CEP112: variants seen among roughly 807,000 people sequenced by gnomAD.
CEP112 encodes the protein centrosomal protein of 112 kDa.
In CEP112, 127 loss-of-function variants were observed where a neutral mutation model predicts 153.0. The observed-to-expected ratio is 0.83, with a 90% CI of 0.72 to 0.96. The LOEUF (loss-of-function observed/expected upper bound fraction) is 0.96, where lower values mean the gene tolerates loss of function less well. Ranked by LOEUF, CEP112 falls within the 40% of genes least tolerant of loss-of-function variation. The probability of loss-of-function intolerance (pLI) is 0.00; values close to 1 mark genes in which losing one functional copy is unlikely to be tolerated. For missense variants in CEP112, 1,089 were observed against 1,101.2 expected (o/e 0.99, Z 0.16); for synonymous variants, 358 against 374.4 (o/e 0.96, Z 0.51).
intron 21 of CEP112, among the ~76,000 whole-genome samples, chr17:65,824,228 A>T (rs958149023): frequency 3.9e-5 from 6 of 152,242 alleles, no homozygotes; most frequent in Non-Finnish European, 7.3e-5. Context: ...ACTAAGCAAT[A>T]AAAAGGAACA....
intron 18 of CEP112, among the ~76,000 whole-genome samples, chr17:65,956,718 C>T (rs908770494): frequency 6.6e-6 from 1 of 152,008 alleles, no homozygotes; most frequent in Admixed American, 6.6e-5. Flanking sequence ...TCTCAGTAAT[C>T]ACCACTAAAG....
chr17:65,926,316 G>A (rs1241318941), intron 19 of CEP112, among the ~76,000 whole-genome samples: 1 of 152,148 alleles, frequency 6.6e-6, no homozygotes, highest in Non-Finnish European at 1.5e-5. Context: ...TTAGAACTCA[G>A]CACAAATGTC....
chr17:65,955,707 T>C (rs2061980196), intron 18 of CEP112, among the ~76,000 whole-genome samples: 1 of 152,196 alleles, frequency 6.6e-6, no homozygotes, highest in African/African-American at 2.4e-5. Flanking sequence ...GCTATTCTTA[T>C]ATCAGACAAA....
intron 21 of CEP112, among the ~76,000 whole-genome samples, chr17:65,782,944 C>T (rs934931884): frequency 6.6e-6 from 1 of 151,364 alleles, no homozygotes; most frequent in Non-Finnish European, 1.5e-5. Context: ...CAAACCTGTA[C>T]CTGTACCCAC....
rs201042942 is a variant in CEP112 at position 65,852,037 on chromosome 17, T to C, written c.2164-3A>G. The C allele has an allele frequency of 1.9e-6, 3 of 1,594,826 alleles. No homozygotes were observed. The highest frequency in any genetic ancestry group is 2.6e-6 in the Non-Finnish European group (3 of 1,174,090). On this transcript the variant is annotated splice_region_variant and splice_polypyrimidine_tract_variant and intron_variant, in intron 20 of 26. Transcript: ENST00000535342. ...TGGGCCTCCATGTCGGCAATAACCT[T>C]GTTTTTAAAAATGGAAAAATGGGCA...
chr17:66,104,709 T>C (rs1274975039), intron 6 of CEP112, among the ~76,000 whole-genome samples: 4 of 152,006 alleles, frequency 2.6e-5, no homozygotes, highest in Non-Finnish European at 5.9e-5. Flanking sequence ...TGGGTCCTGG[T>C]AGGCATTTCT....
rs180779372 is a variant in CEP112, at chr17:65,865,110, C to T, written c.2164-13076G>A. Among the ~76,000 whole-genome samples, 44 of 152,052 alleles carry T rather than the reference C, an allele frequency of 2.9e-4. No homozygotes were observed. The East Asian group carries it at 7.4e-3, about 25-fold the overall frequency. On this transcript the variant is annotated intron_variant, in intron 20 of 26. Transcript: ENST00000535342. Reference sequence around the variant, plus strand: ...AGGCTGGAGTGCAGTGTCATGATCTCGGCTCACTGCAGCCTCACCTTCCCA... The same window carrying T: ...AGGCTGGAGTGCAGTGTCATGATCTTGGCTCACTGCAGCCTCACCTTCCCA...
intron 8 of CEP112, among the ~76,000 whole-genome samples, chr17:66,092,317 G>A (rs1177708007): frequency 6.7e-6 from 1 of 148,800 alleles, no homozygotes; most frequent in East Asian, 2.0e-4. Flanking sequence ...TGGGATTACA[G>A]GTGTGAGCCA....
At chr17:65,716,464 C>T (rs947585299) in intron 23 of CEP112, among the ~76,000 whole-genome samples, 1 of 151,892 alleles carries the variant, frequency 6.6e-6, no homozygotes, top group Non-Finnish European at 1.5e-5. Flanking sequence ...CCCAGCCAGC[C>T]CTATGCTTTT....
At chr17:66,069,391 T>C (rs960704781) in intron 9 of CEP112, among the ~76,000 whole-genome samples, 1 of 152,030 alleles carries the variant, frequency 6.6e-6, no homozygotes, top group Non-Finnish European at 1.5e-5. Context: ...AAAATAAGTT[T>C]TATTTGAAAA....
chr17:66,099,690 C>T (rs1052773100), intron 6 of CEP112, among the ~76,000 whole-genome samples: 1 of 152,008 alleles, frequency 6.6e-6, no homozygotes, highest in Non-Finnish European at 1.5e-5. Context: ...TCAGAAAAAT[C>T]TAACAGATAA....
intron 19 of CEP112, among the ~76,000 whole-genome samples, chr17:65,917,115 A>C (rs2060522987): frequency 6.6e-6 from 1 of 152,128 alleles, no homozygotes; most frequent in Admixed American, 6.5e-5. Context: ...CTGCAGGACC[A>C]ATCTGTGACT....
At chr17:65,859,439 C>CAAA (rs57675567) in intron 20 of CEP112, among the ~76,000 whole-genome samples, 1 of 93,668 alleles carries the variant, frequency 1.1e-5, no homozygotes, top group Non-Finnish European at 2.2e-5. Flanking sequence ...GACTCCATCT[C>CAAA]AAAAAAAAAA....
chr17:65,976,887 C>A (rs1355232297), intron 17 of CEP112, among the ~76,000 whole-genome samples: 1 of 151,628 alleles, frequency 6.6e-6, no homozygotes, highest in Non-Finnish European at 1.5e-5. Context: ...TACAGGCATG[C>A]ACCCCCATGC....
chr17:65,643,294 C>T (rs1330504893), intron 24 of CEP112, among the ~76,000 whole-genome samples: 3 of 124,036 alleles, frequency 2.4e-5, no homozygotes, highest in Admixed American at 9.2e-5. Flanking sequence ...ATGGTGAATC[C>T]CTGGTATTTT....
rs2044738132 is a variant in CEP112 at position 65,635,737 on chromosome 17, GCA to G, written c.*232_*233del. 3.5e-6 allele frequency: 2 copies of G among 566,292 alleles called. No homozygotes were observed. Among genetic ancestry groups the G allele is most frequent in the African/African-American group, 3.8e-5 (2 of 53,036 alleles). The allele number at this position is 566,292 out of a possible 1,614,324, so 35.1% of individuals were successfully genotyped here. A position where few individuals can be genotyped will look rare whatever the true frequency, so the allele number is the denominator to read the frequency against. On this transcript the variant is annotated 3_prime_UTR_variant, in exon 27 of 27. Coordinates refer to ENST00000535342, the MANE Select transcript of CEP112 (RefSeq NM_001199165.4). ...AGCAGTTCTCAGCACATACTCAAAT[GCA>G]CACAAACATGAAAATCGGAAATAAA...
At chr17:66,162,698 AC>A (rs1408189504) in intron 4 of CEP112, among the ~76,000 whole-genome samples, 1 of 152,164 alleles carries the variant, frequency 6.6e-6, no homozygotes, top group Non-Finnish European at 1.5e-5. Context: ...AACAATGAAA[AC>A]GAATCTATGG....
At chr17:66,092,609 T>C (rs1173959481) in intron 8 of CEP112, among the ~76,000 whole-genome samples, 2 of 152,160 alleles carry the variant, frequency 1.3e-5, no homozygotes, top group African/African-American at 4.8e-5. Context: ...TGAAGATAGA[T>C]GCAAAAGTCC....
intron 21 of CEP112, among the ~76,000 whole-genome samples, chr17:65,784,380 T>C (rs2054160899): frequency 6.6e-6 from 1 of 152,222 alleles, no homozygotes; most frequent in South Asian, 2.1e-4. Flanking sequence ...CTCTTTCTTA[T>C]TCATCTTTCC....
Sources: allele counts gnomAD v4.1 joint callset (sites outside exome capture counted in the v4.1 genomes callset), GRCh38; gene constraint gnomAD v4.1.1; transcripts MANE v1.5; gene names NCBI Gene and HGNC (gene_info 2026-07-23, HGNC 2026-07-21).